The following DAPK1 variants were observed in gnomAD, a reference collection of about 807,000 sequenced individuals.
DAPK1 encodes death-associated protein kinase 1.
A neutral mutation model predicts 144.9 loss-of-function variants in DAPK1; 56 were observed. That is an observed-to-expected ratio of 0.39 (90% CI 0.31 to 0.48). The LOEUF (loss-of-function observed/expected upper bound fraction) is 0.48, where lower values mean the gene tolerates loss of function less well. Among genes scored for constraint, DAPK1 ranks in the 20% least tolerant of loss-of-function variants. The pLI, the probability that DAPK1 is intolerant of heterozygous loss-of-function variation, is 0.95. For synonymous variants in DAPK1, 690 were observed against 749.0 expected (o/e 0.92, Z 1.29); for missense variants, 1,454 against 1,875.4 (o/e 0.78, Z 4.15).
At position 87,675,848 on chromosome 9, in the gene DAPK1, T is replaced by TACACACACACACACACACACACAC. The variant is rs763359644; in HGVS notation, c.2002-5531_2002-5508dup. On this transcript the variant is annotated intron_variant, in intron 19 of 25. Transcript: ENST00000408954. ...TAATACAGGTAAATACATTCTACCC[T>TACACACACACACACACACACACAC]ACACACACACACACACACACACACA... is the stretch of plus-strand genomic sequence containing the variant. Among the ~76,000 whole-genome samples, 301 of 117,314 alleles carry TACACACACACACACACACACACAC rather than the reference T, an allele frequency of 2.6e-3. 11 individuals carry two copies. The highest frequency in any genetic ancestry group is 7.0e-3 in the African/African-American group (188 of 26,744). The allele number at this position is 117,314 out of a possible 152,430, so 77.0% of individuals were successfully genotyped here.
chr9:87,597,844 C>T (rs1196594742), intron 2 of DAPK1, among the ~76,000 whole-genome samples: 1 of 152,152 alleles, frequency 6.6e-6, no homozygotes, highest in African/African-American at 2.4e-5. Context: ...TTCCTCCTCT[C>T]GGAAACCCTG....
intron 2 of DAPK1, among the ~76,000 whole-genome samples, chr9:87,519,011 A>G (rs759606911): frequency 1.6e-4 from 25 of 152,152 alleles, no homozygotes; most frequent in Non-Finnish European, 1.6e-4. Flanking sequence ...ATTTCGCAAG[A>G]GGTGCTCCTT....
intron 2 of DAPK1, 111 bp downstream of exon 2, chr9:87,499,250 T>C: frequency 1.1e-6 from 1 of 949,838 alleles, no homozygotes; most frequent in African/African-American, 1.6e-5. Flanking sequence ...TCGCCCTTTC[T>C]GGAGATGCGC....
At chr9:87,571,436 A>AACACAC (rs374135959) in intron 2 of DAPK1, among the ~76,000 whole-genome samples, 32 of 13,024 alleles carry the variant, frequency 2.5e-3, no homozygotes, top group Admixed American at 6.2e-3. Context: ...CCCACCCCCC[A>AACACAC]ACACACACAC....
chr9:87,539,921 AT>A (rs968537237), intron 2 of DAPK1, among the ~76,000 whole-genome samples: 1 of 151,994 alleles, frequency 6.6e-6, no homozygotes, highest in Non-Finnish European at 1.5e-5. Context: ...AGGAGCCCTT[AT>A]TTTACTTCTT....
At chr9:87,675,102 G>A (rs1824315668) in intron 19 of DAPK1, among the ~76,000 whole-genome samples, 2 of 152,144 alleles carry the variant, frequency 1.3e-5, no homozygotes, top group Admixed American at 1.3e-4. Context: ...GCCTGCTTCT[G>A]TAAATAAAGT....
intron 2 of DAPK1, among the ~76,000 whole-genome samples, chr9:87,501,522 G>A (rs2117993808): frequency 6.6e-6 from 1 of 151,950 alleles, no homozygotes; most frequent in African/African-American, 2.4e-5. Context: ...TCCAGCCTGG[G>A]TGATACAGCG....
At chr9:87,680,661 A>ACACG (rs1230148532) in intron 19 of DAPK1, among the ~76,000 whole-genome samples, 1 of 151,798 alleles carries the variant, frequency 6.6e-6, no homozygotes, top group Non-Finnish European at 1.5e-5. Context: ...ACGCGCACAC[A>ACACG]CACACACACA....
intron 3 of DAPK1, chr9:87,633,018 G>A (rs1377066229): frequency 1.0e-6 from 1 of 979,814 alleles, no homozygotes. Context: ...TGAGAAGGAT[G>A]AGTATATATG....
intron 2 of DAPK1, among the ~76,000 whole-genome samples, chr9:87,582,367 G>A (rs893799141): frequency 6.6e-6 from 1 of 152,178 alleles, no homozygotes; most frequent in African/African-American, 2.4e-5. Flanking sequence ...GCCTGTTGGA[G>A]CTTAGTAATG....
chr9:87,659,120 C>T (rs1830737083), intron 18 of DAPK1, among the ~76,000 whole-genome samples: 2 of 152,336 alleles, frequency 1.3e-5, no homozygotes, highest in Admixed American at 6.5e-5. Flanking sequence ...TGGCCCTTGA[C>T]GGAAAATGTT....
intron 2 of DAPK1, among the ~76,000 whole-genome samples, chr9:87,571,458 CA>C (rs1827332430): frequency 7.5e-5 from 5 of 66,652 alleles, no homozygotes; most frequent in Admixed American, 5.6e-4. Flanking sequence ...CACACACACA[CA>C]CACACACACA....
intron 2 of DAPK1, among the ~76,000 whole-genome samples, chr9:87,536,135 C>G (rs1217841933): frequency 2.0e-5 from 3 of 152,186 alleles, no homozygotes; most frequent in African/African-American, 7.2e-5. Context: ...GCTCTAGGAG[C>G]TCAGGAGCAG....
chr9:87,562,224 C>A (rs1826954621), intron 2 of DAPK1, among the ~76,000 whole-genome samples: 1 of 152,190 alleles, frequency 6.6e-6, no homozygotes, highest in South Asian at 2.1e-4. Flanking sequence ...ATATGTTCAT[C>A]ATAGTTATAC....
intron 19 of DAPK1, among the ~76,000 whole-genome samples, chr9:87,677,644 G>A (rs566178088): frequency 6.6e-6 from 1 of 152,328 alleles, no homozygotes; most frequent in African/African-American, 2.4e-5. Context: ...ACTCGGGCCG[G>A]TACCAAGAAT....
chr9:87,689,697 G>C (rs941729174), intron 21 of DAPK1, among the ~76,000 whole-genome samples: 1 of 152,084 alleles, frequency 6.6e-6, no homozygotes, highest in African/African-American at 2.4e-5. Flanking sequence ...TGAGAGACAG[G>C]GGTCCAGTTT....
intron 2 of DAPK1, among the ~76,000 whole-genome samples, chr9:87,550,723 C>T (rs1379462564): frequency 6.6e-6 from 1 of 152,170 alleles, no homozygotes; most frequent in Non-Finnish European, 1.5e-5. Context: ...GGTCATAATT[C>T]AACCCATGAC....
chr9:87,503,170 G>A (rs904542006), intron 2 of DAPK1, among the ~76,000 whole-genome samples: 2 of 152,004 alleles, frequency 1.3e-5, no homozygotes, highest in African/African-American at 4.8e-5. Context: ...TAGTCTACAG[G>A]TAGATATGCA....
chr9:87,607,593 C>A (rs76852097), intron 3 of DAPK1, among the ~76,000 whole-genome samples: 1 of 152,048 alleles, frequency 6.6e-6, no homozygotes, highest in African/African-American at 2.4e-5. Context: ...TTTTTTTTTA[C>A]CATTTGATTA....
Sources: gnomAD v4.1 joint callset for allele counts (sites outside exome capture counted in the v4.1 genomes callset) on GRCh38, gnomAD v4.1.1 for gene constraint, MANE v1.5 for transcripts, NCBI Gene and HGNC (gene_info 2026-07-23, HGNC 2026-07-21) for gene names.